The following RGPD2 variants were observed in gnomAD, a reference collection of about 807,000 sequenced individuals.
RGPD2 encodes RANBP2-like and GRIP domain-containing protein 2.
A neutral mutation model predicts 36.0 loss-of-function variants in RGPD2; 2 were observed. The observed-to-expected ratio is 0.06, with a 90% CI of 0.02 to 0.17. The LOEUF (loss-of-function observed/expected upper bound fraction) is 0.17, where lower values mean the gene tolerates loss of function less well. Among genes scored for constraint, RGPD2 ranks in the 10% least tolerant of loss-of-function variants. The pLI is 1.00. For missense variants in RGPD2, 40 were observed against 464.3 expected, an observed-to-expected ratio of 0.09 and a Z score of 8.40; for synonymous variants, 19 against 163.8, an observed-to-expected ratio of 0.12 and a Z score of 6.75.
At chr2:87,948,468 G>A in the RGPD2 span, among the ~76,000 whole-genome samples, 106 of 150,320 alleles carry the variant, frequency 7.1e-4, 2 homozygotes, top group South Asian at 2.3e-3. Flanking sequence ...CGCAAACTCC[G>A]CCTCCTGGGT....
At chr2:87,885,202 A>G in the RGPD2 span, among the ~76,000 whole-genome samples, 3 of 152,114 alleles carry the variant, frequency 2.0e-5, no homozygotes, top group African/African-American at 7.2e-5. Context: ...TTGAACATAC[A>G]TAAATCAATA....
chr2:87,864,230 G>A, the RGPD2 span, among the ~76,000 whole-genome samples: 3 of 152,160 alleles, frequency 2.0e-5, no homozygotes, highest in Admixed American at 2.0e-4. Flanking sequence ...ATCTGTTGAG[G>A]GCCTGAATAA....
chr2:87,848,919 T>C, the RGPD2 span, among the ~76,000 whole-genome samples: 2 of 151,010 alleles, frequency 1.3e-5, no homozygotes, highest in African/African-American at 4.8e-5. Context: ...TTCTTTTATT[T>C]TGGTATCAAT....
chr2:87,988,764 C>G, the RGPD2 span, among the ~76,000 whole-genome samples: 1 of 151,756 alleles, frequency 6.6e-6, no homozygotes, highest in Non-Finnish European at 1.5e-5. Context: ...TGGTCTCGAA[C>G]TACCGACCTC....
At chr2:87,952,158 T>A in the RGPD2 span, among the ~76,000 whole-genome samples, 1 of 152,298 alleles carries the variant, frequency 6.6e-6, no homozygotes, top group South Asian at 2.1e-4. Flanking sequence ...TGAGAAGTAT[T>A]CTTTTTATGA....
the RGPD2 span, among the ~76,000 whole-genome samples, chr2:87,864,110 A>G: frequency 6.6e-6 from 1 of 152,086 alleles, no homozygotes; most frequent in Admixed American, 6.6e-5. Context: ...TAACTAGTGA[A>G]TCATTATTGT....
chr2:87,920,318 T>C, the RGPD2 span, among the ~76,000 whole-genome samples: 1 of 152,192 alleles, frequency 6.6e-6, no homozygotes, highest in Non-Finnish European at 1.5e-5. Flanking sequence ...TCTTGATAAA[T>C]GTCCTTTACT....
At chr2:87,952,001 G>C in the RGPD2 span, among the ~76,000 whole-genome samples, 1 of 151,972 alleles carries the variant, frequency 6.6e-6, no homozygotes, top group African/African-American at 2.4e-5. Flanking sequence ...CTACCCACTT[G>C]TATACATCTG....
the RGPD2 span, among the ~76,000 whole-genome samples, chr2:87,960,201 T>C: frequency 1.3e-5 from 2 of 151,978 alleles, no homozygotes; most frequent in East Asian, 3.8e-4. Context: ...GATGATTCAG[T>C]CTTCCTCACC....
the RGPD2 span, among the ~76,000 whole-genome samples, chr2:87,852,749 C>A: frequency 6.6e-6 from 1 of 152,294 alleles, no homozygotes; most frequent in Admixed American, 6.5e-5. Context: ...CTCTTAATTT[C>A]TTCAAGTCTC....
the RGPD2 span, among the ~76,000 whole-genome samples, chr2:87,935,486 G>A: frequency 2.8e-5 from 4 of 144,158 alleles, no homozygotes; most frequent in Non-Finnish European, 4.6e-5. Context: ...TTTAAGAAAT[G>A]AGGATTAGAA....
chr2:87,790,849 CCTA>C (rs1236338273), intron 17 of RGPD2, among the ~76,000 whole-genome samples: 3 of 141,784 alleles, frequency 2.1e-5, no homozygotes, highest in Admixed American at 7.5e-5. Flanking sequence ...CATGAAAGAA[CCTA>C]CTTTTATTTC....
the RGPD2 span, among the ~76,000 whole-genome samples, chr2:87,880,972 C>T: frequency 7.0e-6 from 1 of 143,826 alleles, no homozygotes; most frequent in African/African-American, 2.6e-5. Context: ...AGAAATCAGC[C>T]AAAGGGAAGG....
chr2:87,809,608 G>C (rs988581494), intron 6 of RGPD2, among the ~76,000 whole-genome samples: 2 of 136,884 alleles, frequency 1.5e-5, no homozygotes, highest in African/African-American at 2.6e-5. Flanking sequence ...GGTTCACAAG[G>C]GGGGGTAACA....
the RGPD2 span, among the ~76,000 whole-genome samples, chr2:87,929,402 T>C: frequency 6.6e-6 from 1 of 150,462 alleles, no homozygotes; most frequent in East Asian, 2.0e-4. Context: ...ACAAGTATTG[T>C]GCTGTTTTGG....
At chr2:87,877,512 G>C in the RGPD2 span, among the ~76,000 whole-genome samples, 1 of 152,026 alleles carries the variant, frequency 6.6e-6, no homozygotes. Context: ...TTTTCTTTAA[G>C]AATATTGACA....
chr2:87,932,816 T>G, the RGPD2 span, among the ~76,000 whole-genome samples: 1 of 151,688 alleles, frequency 6.6e-6, no homozygotes, highest in Non-Finnish European at 1.5e-5. Flanking sequence ...AGCTTAGAGG[T>G]CCGCTGTTAG....
chr2:87,923,230 T>C, the RGPD2 span, among the ~76,000 whole-genome samples: 2 of 152,178 alleles, frequency 1.3e-5, no homozygotes, highest in African/African-American at 4.8e-5. Context: ...ACAGCATTCA[T>C]AGGGAGACAA....
At chr2:87,977,475 T>A in the RGPD2 span, among the ~76,000 whole-genome samples, 20 of 151,458 alleles carry the variant, frequency 1.3e-4, no homozygotes, top group East Asian at 1.4e-3. Flanking sequence ...TGGATTTTTT[T>A]AATTATTCAT....
Sources: gnomAD v4.1 joint callset for allele counts (sites outside exome capture counted in the v4.1 genomes callset) on GRCh38, gnomAD v4.1.1 for gene constraint, MANE v1.5 for transcripts, NCBI Gene and HGNC (gene_info 2026-07-23, HGNC 2026-07-21) for gene names.